ACSF2: variants seen among roughly 807,000 people sequenced by gnomAD.
ACSF2 encodes the protein acyl-CoA synthetase family member 2, also known as medium-chain acyl-CoA ligase ACSF2, mitochondrial.
Under a neutral mutation model 79.3 loss-of-function variants are expected in ACSF2, and 52 were observed. The observed-to-expected ratio is 0.66, with a 90% CI of 0.53 to 0.83. The LOEUF is 0.83. ACSF2 is among the 40% of genes least tolerant of loss of function. The pLI, the probability that ACSF2 is intolerant of heterozygous loss-of-function variation, is 0.00. For synonymous variants in ACSF2, 283 were observed against 312.6 expected, an observed-to-expected ratio of 0.91 and a Z score of 1.00; for missense variants, 661 against 803.3, an observed-to-expected ratio of 0.82 and a Z score of 2.14.
chr17:50,461,927 G>GGTGTGTGTGTGT (rs35178435), intron 4 of ACSF2, among the ~76,000 whole-genome samples: 1,754 of 148,218 alleles, frequency 0.012, 35 homozygotes, highest in African/African-American at 0.041. Context: ...TCAGGGCAGA[G>GGTGTGTGTGTGT]GTGTGTGTGT....
chr17:50,472,274 C>T (rs1598438325), intron 11 of ACSF2, 154 bp from the exon 12 acceptor site: 1 of 846,546 alleles, frequency 1.2e-6, no homozygotes, highest in South Asian at 2.0e-5. Context: ...CCTTTGTCTC[C>T]CTTCTCTGGA....
chr17:50,458,553 C>T (rs2125903), intron 1 of ACSF2, among the ~76,000 whole-genome samples: 42,631 of 152,112 alleles, frequency 0.28, 6,494 homozygotes, highest in African/African-American at 0.38. Context: ...CCTAGGACCA[C>T]GGCCCCTTCC....
At chr17:50,465,130 AC>A in intron 10 of ACSF2, 1 of 719,858 alleles carries the variant, frequency 1.4e-6, no homozygotes, top group Non-Finnish European at 2.3e-6. Context: ...CCTGGGCAGG[AC>A]CTTTTCCTCC....
In ACSF2 at chr17:50,472,282, G is replaced by T. The variant is rs892197302; in HGVS notation, c.1324-146G>T. 3.1e-5 allele frequency: 28 copies of T among 912,432 alleles called. No homozygotes were observed. In the Admixed American group the frequency reaches 7.6e-4, roughly 25 times the overall value. The allele number at this position is 912,432 out of a possible 1,614,324, so 56.5% of individuals were successfully genotyped here. A position where few individuals can be genotyped will look rare whatever the true frequency, so the allele number is the denominator to read the frequency against. On this transcript the variant is annotated intron_variant, in intron 11 of 15. Transcript: ENST00000300441. ...ACTCTAGCCTTTGTCTCCCTTCTCTGGATGGGGATAAGCAGAGCCAGGGGG... is the reference window on the plus strand; with the variant it reads ...ACTCTAGCCTTTGTCTCCCTTCTCTTGATGGGGATAAGCAGAGCCAGGGGG...
intron 1 of ACSF2, among the ~76,000 whole-genome samples, chr17:50,438,388 T>A (rs767180356): frequency 2.0e-5 from 3 of 152,114 alleles, no homozygotes; most frequent in Non-Finnish European, 4.4e-5. Flanking sequence ...ATTTTCAGCT[T>A]TTTTACGTAT....
chr17:50,469,363 C>G (rs2032984886), intron 10 of ACSF2, among the ~76,000 whole-genome samples: 1 of 152,188 alleles, frequency 6.6e-6, no homozygotes, highest in Non-Finnish European at 1.5e-5. Context: ...CAGCTGCCTG[C>G]GCTTTAAAGG....
intron 10 of ACSF2, chr17:50,469,027 G>T: frequency 7.5e-7 from 1 of 1,337,966 alleles, no homozygotes; most frequent in Non-Finnish European, 9.5e-7. Context: ...GAAGGGGGCG[G>T]GGCCGTTCCC....
intron 1 of ACSF2, among the ~76,000 whole-genome samples, chr17:50,429,009 G>A (rs186013502): frequency 3.3e-5 from 5 of 152,326 alleles, no homozygotes; most frequent in South Asian, 2.1e-4. Context: ...TTGGACTTTC[G>A]TCCTCTGTTT....
rs201225158 is a variant in ACSF2 at position 50,464,262 on chromosome 17, A to G, written c.1183A>G (p.Ile395Val). 1 of 1,614,174 alleles carries G rather than the reference A, an allele frequency of 6.2e-7. No homozygotes were observed. The highest frequency in any genetic ancestry group is 1.3e-5 in the African/African-American group (1 of 75,034). Residue 395 changes from isoleucine to valine, a missense_variant, in exon 10 of 16, where the codon ATC (isoleucine) becomes GTC (valine). Physicochemically the swap from Ile to Val is conservative, Grantham distance 29. Coordinates refer to ENST00000300441, the MANE Select transcript of ACSF2 (RefSeq NM_025149.6). ...SPAPPELIRAIINKINMKDLV... is the reference protein window; with the variant it reads ...SPAPPELIRAVINKINMKDLV... ...TGCACCTCCAGAGTTGATCCGAGCCATCATCAACAAGATAAATATGAAGGA... is the reference window on the plus strand; with the variant it reads ...TGCACCTCCAGAGTTGATCCGAGCCGTCATCAACAAGATAAATATGAAGGA...
intron 1 of ACSF2, among the ~76,000 whole-genome samples, chr17:50,428,845 G>A (rs1211815486): frequency 6.6e-6 from 1 of 152,244 alleles, no homozygotes; most frequent in East Asian, 1.9e-4. Flanking sequence ...AAACATTCCT[G>A]AGAACAGATT....
rs1444491287 is a variant in ACSF2, at chr17:50,474,274, A to G, written c.1797+7A>G. 6.2e-7 allele frequency: 1 copy of G among 1,614,138 alleles called. No homozygotes were observed. Among genetic ancestry groups the G allele is most frequent in the Admixed American group, 1.7e-5 (1 of 60,020 alleles). On this transcript the variant is annotated splice_region_variant and intron_variant, in intron 15 of 15. Transcript: ENST00000300441. This position sits in a 1 kb window ranked among gnomAD's most constrained non-coding sequence, Gnocchi z 4.2. ...CCTCACCATTTCAGGAAAGGTGTGTAAGGTGGAGGAGGCTGGGGAGGGCAG... is the reference window on the plus strand; with the variant it reads ...CCTCACCATTTCAGGAAAGGTGTGTGAGGTGGAGGAGGCTGGGGAGGGCAG...
intron 10 of ACSF2, chr17:50,468,863 C>A (rs769492744): frequency 1.4e-6 from 2 of 1,446,488 alleles, no homozygotes; most frequent in South Asian, 2.9e-5. Context: ...CGGCGGGGCG[C>A]GGGCAGCGGC....
chr17:50,451,611 G>A (rs1037782433), intron 1 of ACSF2, among the ~76,000 whole-genome samples: 7 of 152,042 alleles, frequency 4.6e-5, no homozygotes, highest in Admixed American at 2.0e-4. Flanking sequence ...AACCACACCC[G>A]GCTAATTTTT....
At chr17:50,467,758 C>A in intron 10 of ACSF2, 1 of 354,918 alleles carries the variant, frequency 2.8e-6, no homozygotes, top group South Asian at 9.3e-5. Flanking sequence ...GGTTTGGAAG[C>A]ACTGGAGATG....
At chr17:50,468,242 AGGGCCCCGGGCTGCAG>A (rs1364611777) in intron 10 of ACSF2, 2 of 1,612,278 alleles carry the variant, frequency 1.2e-6, no homozygotes. Context: ...CACGTCGTCC[AGGGCCCCGGGCTGCAG>A]GGAGCTCAAC....
chr17:50,465,698 T>G, intron 10 of ACSF2: 1 of 1,612,902 alleles, frequency 6.2e-7, no homozygotes, highest in South Asian at 1.1e-5. Context: ...GACATGGAAG[T>G]GTTCTTACCG....
intron 1 of ACSF2, among the ~76,000 whole-genome samples, chr17:50,439,232 CTTTTTTT>C (rs754203020): frequency 4.1e-5 from 4 of 96,460 alleles, no homozygotes; most frequent in Admixed American, 2.3e-4. Flanking sequence ...TACCACACAG[CTTTTTTT>C]TTTTTTTTTT....
At chr17:50,450,393 C>T (rs1032628293) in intron 1 of ACSF2, 2 of 151,942 alleles carry the variant, frequency 1.3e-5, no homozygotes, top group African/African-American at 2.4e-5. Flanking sequence ...CCCAGCTACT[C>T]AGGAGGCTGA....
intron 1 of ACSF2, among the ~76,000 whole-genome samples, chr17:50,442,639 A>T (rs1048017443): frequency 1.3e-5 from 2 of 151,120 alleles, no homozygotes; most frequent in African/African-American, 4.9e-5. Flanking sequence ...CTAATTTTTA[A>T]TTTTTTTGTA....
Sources: allele counts gnomAD v4.1 joint callset (sites outside exome capture counted in the v4.1 genomes callset), GRCh38; gene constraint gnomAD v4.1.1; non-coding constraint Gnocchi (gnomAD v3.1); transcripts MANE v1.5; gene names NCBI Gene and HGNC (gene_info 2026-07-23, HGNC 2026-07-21).